FHIT: variants seen among roughly 807,000 people sequenced by gnomAD.
The protein encoded by FHIT is fragile histidine triad diadenosine triphosphatase, also known as bis(5'-adenosyl)-triphosphatase.
Under a neutral mutation model 17.9 loss-of-function variants are expected in FHIT, and 19 were observed. That is an observed-to-expected ratio of 1.06 (90% CI 0.74 to 1.56). The LOEUF (loss-of-function observed/expected upper bound fraction) is 1.56. Among genes scored for constraint, FHIT ranks in the 40% most tolerant of loss-of-function variants. The pLI, the probability that FHIT is intolerant of heterozygous loss-of-function variation, is 0.00. For missense variants in FHIT, 248 were observed against 189.2 expected, an observed-to-expected ratio of 1.31 and a Z score of -1.82; for synonymous variants, 81 against 69.7, an observed-to-expected ratio of 1.16 and a Z score of -0.81.
At chr3:60,965,914 C>T (rs1709715821) in intron 3 of FHIT, among the ~76,000 whole-genome samples, 1 of 152,164 alleles carries the variant, frequency 6.6e-6, no homozygotes, top group Middle Eastern at 3.2e-3. Flanking sequence ...GCATTCTGTC[C>T]GTTCTCAGAT....
chr3:60,336,790 A>G (rs571329364), intron 5 of FHIT, among the ~76,000 whole-genome samples: 1 of 152,276 alleles, frequency 6.6e-6, no homozygotes, highest in Admixed American at 6.5e-5. Context: ...GCAATTCAGA[A>G]AACTTAAAGA....
chr3:60,697,873 G>GA (rs1249348715), intron 4 of FHIT, among the ~76,000 whole-genome samples: 1 of 151,710 alleles, frequency 6.6e-6, no homozygotes, highest in African/African-American at 2.4e-5. Context: ...AACAAATCTG[G>GA]AAAAAAAATT....
chr3:60,358,125 C>T (rs541718717), intron 5 of FHIT, among the ~76,000 whole-genome samples: 1 of 152,202 alleles, frequency 6.6e-6, no homozygotes, highest in Non-Finnish European at 1.5e-5. Context: ...TGCACCTTAT[C>T]ATTCTTCAAG....
intron 4 of FHIT, among the ~76,000 whole-genome samples, chr3:60,716,150 A>G (rs2041678011): frequency 6.6e-6 from 1 of 152,106 alleles, no homozygotes; most frequent in South Asian, 2.1e-4. Context: ...AGGCTGAGGC[A>G]GGAGAATCAC....
intron 5 of FHIT, among the ~76,000 whole-genome samples, chr3:60,191,305 C>T (rs1185474805): frequency 6.6e-6 from 1 of 152,042 alleles, no homozygotes; most frequent in Non-Finnish European, 1.5e-5. Flanking sequence ...AAAAGGGATA[C>T]ATTTGAAATA....
chr3:61,068,882 A>G (rs2034704676), intron 2 of FHIT, among the ~76,000 whole-genome samples: 1 of 152,210 alleles, frequency 6.6e-6, no homozygotes, highest in Non-Finnish European at 1.5e-5. Flanking sequence ...TCAAAAAGTA[A>G]TGAGAAAAAG....
chr3:60,522,109 T>TTG (rs1553640657), intron 5 of FHIT, among the ~76,000 whole-genome samples: 5 of 150,134 alleles, frequency 3.3e-5, no homozygotes, highest in East Asian at 3.9e-4. Flanking sequence ...ACCAGAAGTT[T>TTG]TTTTTTTTTT....
At chr3:60,859,587 C>T (rs1367924891) in intron 3 of FHIT, among the ~76,000 whole-genome samples, 3 of 151,954 alleles carry the variant, frequency 2.0e-5, no homozygotes, top group East Asian at 1.9e-4. Flanking sequence ...CCTCACTCTC[C>T]TTTTCCCTTC....
At chr3:60,985,812 C>G (rs1158364107) in intron 3 of FHIT, among the ~76,000 whole-genome samples, 1 of 152,204 alleles carries the variant, frequency 6.6e-6, no homozygotes, top group Non-Finnish European at 1.5e-5. Context: ...AATTTATCTT[C>G]TTACAGTTCT....
In FHIT at chr3:60,617,169, A is replaced by G; in HGVS notation, c.-17-80190T>C. The G allele has an allele frequency of 9.5e-6, 2 of 210,614 alleles. 1 individual carries two copies. The highest frequency in any genetic ancestry group is 1.7e-4 in the South Asian group (2 of 11,492). 13.0% of individuals were successfully genotyped at this position (210,614 alleles called of 1,614,324 possible). Reference sequence around the variant, plus strand: ...AAGTGATTGTTAGCATCATATCAAAATAACTAAAAGCTATAACACACACTC... The same window carrying G: ...AAGTGATTGTTAGCATCATATCAAAGTAACTAAAAGCTATAACACACACTC... On this transcript the variant is annotated intron_variant, in intron 4 of 9. Coordinates refer to ENST00000492590, the MANE Select transcript of FHIT (RefSeq NM_002012.4).
intron 8 of FHIT, among the ~76,000 whole-genome samples, chr3:59,763,480 C>T (rs966509770): frequency 6.6e-6 from 1 of 152,194 alleles, no homozygotes; most frequent in African/African-American, 2.4e-5. Context: ...CAATCCAGAT[C>T]CCCAAGCATT....
intron 5 of FHIT, among the ~76,000 whole-genome samples, chr3:60,324,055 C>G (rs1287418509): frequency 6.6e-6 from 1 of 151,994 alleles, no homozygotes; most frequent in Non-Finnish European, 1.5e-5. Flanking sequence ...ACAATAGAAG[C>G]AATAATGATG....
At chr3:60,843,583 C>T (rs1258476670) in intron 3 of FHIT, among the ~76,000 whole-genome samples, 1 of 152,114 alleles carries the variant, frequency 6.6e-6, no homozygotes, top group East Asian at 1.9e-4. Flanking sequence ...AGCATTTGCT[C>T]CCAAAGTGAA....
intron 4 of FHIT, among the ~76,000 whole-genome samples, chr3:60,763,832 T>A (rs573062710): frequency 5.9e-5 from 9 of 152,318 alleles, no homozygotes; most frequent in African/African-American, 2.2e-4. Context: ...ATGTTTCATA[T>A]CAGCTACTCC....
intron 4 of FHIT, among the ~76,000 whole-genome samples, chr3:60,793,474 T>C (rs1700860457): frequency 6.6e-6 from 1 of 152,128 alleles, no homozygotes; most frequent in African/African-American, 2.4e-5. Flanking sequence ...AGCTAATTTT[T>C]CTATTTTTAG....
At chr3:60,645,820 A>C (rs79842167) in intron 4 of FHIT, among the ~76,000 whole-genome samples, 2,406 of 152,282 alleles carry the variant, frequency 0.016, 60 homozygotes, top group African/African-American at 0.054. Flanking sequence ...TCCCCAATTC[A>C]ATTATAATCT....
intron 2 of FHIT, among the ~76,000 whole-genome samples, chr3:61,072,773 T>C (rs1446694833): frequency 6.6e-6 from 1 of 152,084 alleles, no homozygotes; most frequent in African/African-American, 2.4e-5. Flanking sequence ...AAAGCAAAAG[T>C]GCCAAGCTCA....
chr3:59,954,819 T>C (rs996851784), intron 7 of FHIT, among the ~76,000 whole-genome samples: 2 of 152,126 alleles, frequency 1.3e-5, no homozygotes, highest in African/African-American at 2.4e-5. Flanking sequence ...TGGTTTCTTT[T>C]GAAAACGAAG....
At chr3:60,512,354 A>G (rs919440830) in intron 5 of FHIT, among the ~76,000 whole-genome samples, 4 of 152,228 alleles carry the variant, frequency 2.6e-5, no homozygotes, top group Admixed American at 1.3e-4. Flanking sequence ...CTAAGTGCCA[A>G]TTAAGCAACC....
Sources: allele counts gnomAD v4.1 joint callset (sites outside exome capture counted in the v4.1 genomes callset), GRCh38; gene constraint gnomAD v4.1.1; transcripts MANE v1.5; gene names NCBI Gene and HGNC (gene_info 2026-07-23, HGNC 2026-07-21).